Variants in DYSF observed in about 807,000 individuals in gnomAD.
DYSF encodes dystrophy-associated fer-1-like 1.
A neutral mutation model predicts 274.9 loss-of-function variants in DYSF; 212 were observed. The ratio of observed to expected loss-of-function variants is 0.77; its 90% CI spans 0.69 to 0.86. DYSF has a LOEUF of 0.86. DYSF is among the 40% of genes least tolerant of loss of function. The pLI, the probability that DYSF is intolerant of heterozygous loss-of-function variation, is 0.00. For synonymous variants in DYSF, 1,091 were observed against 1,078.7 expected (o/e 1.01, Z -0.22); for missense variants, 2,666 against 2,783.2 (o/e 0.96, Z 0.95).
In DYSF at chr2:71,574,226, G is replaced by T. The variant is rs753826832; in HGVS notation, c.3257G>T (p.Gly1086Val). The T allele has an allele frequency of 7.4e-6, 12 of 1,613,752 alleles. No individual in the cohort carries two copies. The highest frequency in any genetic ancestry group is 9.3e-6 in the Non-Finnish European group (11 of 1,180,044). ...AGGCAGGCGGAGGCGGAGGGCGAGGGCTGGGAGTACGCCTCTCTTTTTGGC... is the reference window on the plus strand; with the variant it reads ...AGGCAGGCGGAGGCGGAGGGCGAGGTCTGGGAGTACGCCTCTCTTTTTGGC... ...RHRQAEAEGE[G>V]WEYASLFGWK... The change falls in exon 30 of 56, where the codon GGC (glycine) becomes GTC (valine). Residue 1086 changes from glycine to valine, a missense_variant. Coordinates refer to ENST00000410020, the MANE Select transcript of DYSF (RefSeq NM_001130987.2).
At chr2:71,675,557 C>T (rs539075385) in intron 52 of DYSF, among the ~76,000 whole-genome samples, 3 of 152,278 alleles carry the variant, frequency 2.0e-5, no homozygotes, top group East Asian at 1.9e-4. Context: ...ACTGTTCCCC[C>T]GCCCTGCGCA....
At chr2:71,618,513 G>GGTGTGTGTGGTAGAGGTGGGGT (rs2093992194) in intron 40 of DYSF, among the ~76,000 whole-genome samples, 1 of 62,150 alleles carries the variant, frequency 1.6e-5, no homozygotes, top group African/African-American at 4.7e-5. Flanking sequence ...GTTTGGTAGA[G>GGTGTGTGTGGTAGAGGTGGGGT]GTGTGTGTGT....
At chr2:71,583,440 G>A (rs1354400911) in intron 30 of DYSF, among the ~76,000 whole-genome samples, 1 of 152,192 alleles carries the variant, frequency 6.6e-6, no homozygotes, top group East Asian at 1.9e-4. Flanking sequence ...TGCTGGAGCA[G>A]GGAAGGTCTC....
chr2:71,570,718 A>G lies in DYSF; in HGVS notation c.3205A>G (p.Ser1069Gly), dbSNP rs1306040122. 1 of 1,613,848 alleles carries G rather than the reference A, an allele frequency of 6.2e-7. No homozygotes were observed. The highest frequency in any genetic ancestry group is 1.3e-5 in the African/African-American group (1 of 74,920). ...RWVRLRRRDL[S>G]QMEALKRHRQ... ...GGTGCGCCTGCGCAGGAGGGATCTC[A>G]GCCAAATGGAAGCACTGAAAAGGGT... Residue 1069 changes from serine (S) to glycine (G), a missense_variant, in exon 29 of 56, where the codon AGC becomes GGC. This residue lies in a region of DYSF where 1,460 missense variants were observed against 1,502.1 expected (regional missense o/e 0.97). Transcript: ENST00000410020.
At chr2:71,664,536 C>G (rs1445048315) in intron 46 of DYSF, 98 bp downstream of exon 46, 1 of 1,487,198 alleles carries the variant, frequency 6.7e-7, no homozygotes, top group Non-Finnish European at 9.2e-7. Flanking sequence ...GTGTGCCAGC[C>G]CTGGGCTTAG....
chr2:71,466,159 C>A (rs974320131), upstream of DYSF, among the ~76,000 whole-genome samples: 1 of 152,108 alleles, frequency 6.6e-6, no homozygotes. Context: ...GGGAGAGGAC[C>A]GGCTCCCTGG....
chr2:71,515,748 T>G lies in DYSF; in HGVS notation c.885T>G (p.Asn295Lys), dbSNP rs201550600. ...RIHKGNSPLF[N>K]ETLFFNLFDS... is the part of the protein sequence containing the mutation. ...ACAAGGGAAACAGCCCACTCTTCAA[T>G]GAGGTGGGAGACATGGGGCATGAGG... is the stretch of plus-strand genomic sequence containing the variant. Residue 295 changes from asparagine (N) to lysine (K), a missense_variant, in exon 8 of 56, where the codon AAT (asparagine) becomes AAG (lysine). Asn to Lys is a moderately conservative substitution (Grantham distance 94). Around this residue, in one of 3 missense-constraint regions of DYSF, gnomAD observed 794 missense variants for 777.1 expected, o/e 1.02. Transcript: ENST00000410020. 96 of 1,614,008 alleles carry G rather than the reference T, an allele frequency of 5.9e-5. No individual in the cohort carries two copies. The highest frequency in any genetic ancestry group is 7.5e-5 in the Non-Finnish European group (89 of 1,179,978).
chr2:71,627,079 C>T (rs1263196812), intron 41 of DYSF, among the ~76,000 whole-genome samples: 1 of 151,270 alleles, frequency 6.6e-6, no homozygotes, highest in Non-Finnish European at 1.5e-5. Flanking sequence ...TCAGTCTATT[C>T]AAAGAATTTT....
intron 32 of DYSF, among the ~76,000 whole-genome samples, chr2:71,596,832 G>A (rs1529407): frequency 0.015 from 2,269 of 152,294 alleles, 56 homozygotes; most frequent in African/African-American, 0.052. Context: ...CTATTAACCA[G>A]ACCCAGCATT....
intron 41 of DYSF, among the ~76,000 whole-genome samples, chr2:71,638,540 A>G (rs1256806735): frequency 1.3e-5 from 2 of 152,142 alleles, no homozygotes; most frequent in African/African-American, 4.8e-5. Context: ...GTTTCTATAT[A>G]TTTGCCTATT....
At position 71,672,915 on chromosome 2, in the gene DYSF, C is replaced by T. The variant is rs1295835910; in HGVS notation, c.5785-1282C>T. Among the ~76,000 whole-genome samples, 4 of 152,210 alleles carry T rather than the reference C, an allele frequency of 2.6e-5. No individual in the cohort carries two copies. In the East Asian group the frequency reaches 5.8e-4, roughly 22 times the overall value. ...CCCCAACCCAGGCAGCAGTCCAGGC[C>T]GTGGCTGGGTGCTTTGCACGGGGAC... On this transcript the variant is annotated intron_variant, in intron 51 of 55. Transcript: ENST00000410020.
rs200957354 is a variant in DYSF, at chr2:71,481,956, G to A, written c.225G>A (p.Thr75=). ...ELHVVVKDHE[T]MGRNRFLGEA... ...ATGTGGTGGTCAAAGACCATGAGAC[G>A]ATGGGGAGGAACAGGTAAGGTGGCC... is the stretch of plus-strand genomic sequence containing the variant. Residue 75 remains threonine, a synonymous_variant, in exon 3 of 56, where the codon ACG becomes ACA. Transcript: ENST00000410020. The A allele has an allele frequency of 1.3e-4, 214 of 1,613,986 alleles. No individual in the cohort carries two copies. The highest frequency in any genetic ancestry group is 3.1e-4 in the East Asian group (14 of 44,882).
At position 71,550,334 on chromosome 2, in the gene DYSF, G is replaced by C. The variant is rs2090839630; in HGVS notation, c.1577-707G>C. Among the ~76,000 whole-genome samples, 8 of 152,254 alleles carry C rather than the reference G, an allele frequency of 5.3e-5. No individual in the cohort carries two copies. The South Asian group carries it at 1.7e-3, about 31-fold the overall frequency. On this transcript the variant is annotated intron_variant, in intron 17 of 55. Transcript: ENST00000410020. ...CCAGAAAAGGATGAAAGAATGTGGA[G>C]AGATTTCCCCTCTTCAGGAGTGTAA...
Position 71,561,758 on chromosome 2 carries a change from T to C in DYSF, c.2223T>C (p.Pro741=), listed in dbSNP as rs1574000542. 1 of 1,614,090 alleles carries C rather than the reference T, an allele frequency of 6.2e-7. No individual in the cohort carries two copies. The highest frequency in any genetic ancestry group is 8.5e-7 in the Non-Finnish European group (1 of 1,180,000). Residue 741 remains proline, a synonymous_variant, in exon 23 of 56, where the codon CCT becomes CCC. Transcript: ENST00000410020. ...ATCTGTCCGTCCCTCACAGCCAGCC[T>C]CTGGGTGACATCCATGAGACACCCT... ...TDELIAGCSQ[P]LGDIHETPSA...
chr2:71,528,218 C>T lies in DYSF; in HGVS notation c.1277-80C>T, dbSNP rs115716561. 1,332 of 1,299,568 alleles carry T rather than the reference C, an allele frequency of 1.0e-3. 15 individuals carry two copies. In the African/African-American group the frequency reaches 0.017, roughly 17 times the overall value. 80.5% of individuals were successfully genotyped at this position (1,299,568 alleles called of 1,614,324 possible). On this transcript the variant is annotated intron_variant, in intron 13 of 55. Transcript: ENST00000410020. ...TCTTGCTCAGGTAGTCCCAGGACTG[C>T]CTGGAGACAGATGGGGGACAGTCAG...
At chr2:71,645,395 G>A (rs72904636) in intron 42 of DYSF, among the ~76,000 whole-genome samples, 7,757 of 152,014 alleles carry the variant, frequency 0.051, 670 homozygotes, top group African/African-American at 0.18. Flanking sequence ...ACGTTGTTCC[G>A]CTGGTCAATG....
At chr2:71,479,824 A>T (rs2082739258) in intron 1 of DYSF, among the ~76,000 whole-genome samples, 1 of 152,226 alleles carries the variant, frequency 6.6e-6, no homozygotes, top group African/African-American at 2.4e-5. Context: ...CCTCCCAGCC[A>T]CATAGAGCTT....
chr2:71,645,879 G>A (rs541359985), intron 42 of DYSF, among the ~76,000 whole-genome samples: 2 of 152,334 alleles, frequency 1.3e-5, no homozygotes, highest in South Asian at 4.1e-4. Flanking sequence ...GGTGGGCACA[G>A]GCTGTTAGAC....
At chr2:71,454,065 T>C in exon 1 of DYSF, 1 of 1,614,074 alleles carries the variant, frequency 6.2e-7, no homozygotes, top group Non-Finnish European at 8.5e-7. Context: ...CAGCGATGCC[T>C]ACTGCTCCGC....
Sources: gnomAD v4.1 joint callset for allele counts (sites outside exome capture counted in the v4.1 genomes callset) on GRCh38, gnomAD v4.1.1 for gene constraint, gnomAD v4.1.1 regional missense constraint, MANE v1.5 for transcripts, NCBI Gene and HGNC (gene_info 2026-07-23, HGNC 2026-07-21) for gene names.